DPP6: variants seen among roughly 807,000 people sequenced by gnomAD.
The protein encoded by DPP6 is dipeptidyl peptidase like 6, also known as A-type potassium channel modulatory protein DPP6.
DPP6 carries 69 observed loss-of-function variants against 122.6 expected under a neutral mutation model. The observed-to-expected ratio is 0.56, with a 90% CI of 0.46 to 0.69. The LOEUF (loss-of-function observed/expected upper bound fraction) is 0.69. Among genes scored for constraint, DPP6 ranks in the 30% least tolerant of loss-of-function variants. The pLI is 0.00. For synonymous variants in DPP6, 418 were observed against 433.1 expected (o/e 0.97, Z 0.43); for missense variants, 928 against 1,116.9 (o/e 0.83, Z 2.41).
At chr7:154,801,256 A>G in intron 12 of DPP6, 99 bp from the exon 13 acceptor site, 1 of 1,482,750 alleles carries the variant, frequency 6.7e-7, no homozygotes, top group Non-Finnish European at 9.1e-7. Context: ...CTTAGAAATC[A>G]CATAGAAAAT....
At chr7:153,764,955 A>AGGCTCTGTGACGCCGAAT in the DPP6 span, among the ~76,000 whole-genome samples, 1 of 152,190 alleles carries the variant, frequency 6.6e-6, no homozygotes, top group Admixed American at 6.5e-5. Flanking sequence ...CACCCGTTTC[A>AGGCTCTGTGACGCCGAAT]GGCTCTGTGA....
chr7:154,194,161 C>T (rs746232926), intron 1 of DPP6, among the ~76,000 whole-genome samples: 2 of 152,108 alleles, frequency 1.3e-5, no homozygotes, highest in Non-Finnish European at 2.9e-5. Flanking sequence ...GTCCCATTTC[C>T]AGGTGCCGTC....
At chr7:154,614,998 T>C (rs887435322) in intron 5 of DPP6, among the ~76,000 whole-genome samples, 2 of 152,222 alleles carry the variant, frequency 1.3e-5, no homozygotes, top group South Asian at 2.1e-4. Flanking sequence ...GCAGGCTACG[T>C]TGGGCGCTGT....
At chr7:154,237,081 C>T (rs62484147) in intron 1 of DPP6, among the ~76,000 whole-genome samples, 32,173 of 152,100 alleles carry the variant, frequency 0.21, 6,153 homozygotes, top group African/African-American at 0.51. Flanking sequence ...TAAAATCTTA[C>T]GACTGGGCGT....
chr7:154,665,836 C>T (rs1448493276), intron 6 of DPP6, among the ~76,000 whole-genome samples: 1 of 151,892 alleles, frequency 6.6e-6, no homozygotes, highest in Non-Finnish European at 1.5e-5. Context: ...TTTTAGTGTT[C>T]CCCTTTTCCT....
chr7:154,206,674 A>G (rs1295682806), intron 1 of DPP6, among the ~76,000 whole-genome samples: 2 of 152,238 alleles, frequency 1.3e-5, no homozygotes, highest in African/African-American at 4.8e-5. Context: ...TCAAGATATC[A>G]GAAATCTTTG....
chr7:154,490,536 A>C (rs1203705686), intron 3 of DPP6, among the ~76,000 whole-genome samples: 1 of 152,174 alleles, frequency 6.6e-6, no homozygotes, highest in Non-Finnish European at 1.5e-5. Flanking sequence ...TTTCCACCAG[A>C]TGTTATTTAC....
At chr7:154,518,321 T>C (rs1563793550) in intron 3 of DPP6, among the ~76,000 whole-genome samples, 1 of 152,226 alleles carries the variant, frequency 6.6e-6, no homozygotes, top group South Asian at 2.1e-4. Flanking sequence ...TGATTCAAGC[T>C]TAGATAAACA....
chr7:153,767,180 T>C, the DPP6 span, among the ~76,000 whole-genome samples: 1 of 152,196 alleles, frequency 6.6e-6, no homozygotes, highest in African/African-American at 2.4e-5. Context: ...AGTGATGCTG[T>C]GAGGCAAACG....
chr7:154,544,877 T>G (rs1430197569), intron 4 of DPP6, among the ~76,000 whole-genome samples: 2 of 152,146 alleles, frequency 1.3e-5, no homozygotes, highest in Non-Finnish European at 2.9e-5. Flanking sequence ...AGACAGAGGA[T>G]GATGATGTCC....
the DPP6 span, among the ~76,000 whole-genome samples, chr7:153,801,194 T>A: frequency 6.8e-6 from 1 of 148,110 alleles, no homozygotes; most frequent in East Asian, 2.0e-4. Context: ...TTTTAGACAA[T>A]GTTCTAGTTT....
chr7:154,463,839 T>C (rs1353636839), intron 2 of DPP6, among the ~76,000 whole-genome samples: 3 of 152,122 alleles, frequency 2.0e-5, no homozygotes, highest in East Asian at 3.9e-4. Flanking sequence ...TGCAAGACAA[T>C]TTCCTCTTTT....
the DPP6 span, among the ~76,000 whole-genome samples, chr7:153,761,187 T>C: frequency 6.6e-6 from 1 of 152,230 alleles, no homozygotes. Context: ...TTGTACAAGA[T>C]TTATTTGTTT....
At chr7:154,369,818 G>T (rs983136615) in intron 1 of DPP6, among the ~76,000 whole-genome samples, 1 of 152,100 alleles carries the variant, frequency 6.6e-6, no homozygotes, top group Non-Finnish European at 1.5e-5. Context: ...CCACCTTCTG[G>T]CCTGACTTTT....
chr7:154,464,304 C>T (rs1445768130), intron 2 of DPP6, among the ~76,000 whole-genome samples: 11 of 152,232 alleles, frequency 7.2e-5, no homozygotes, highest in Admixed American at 3.3e-4. Flanking sequence ...AGCAGATTCT[C>T]TGCCACACAA....
At chr7:154,676,638 C>T (rs1838930155) in intron 7 of DPP6, among the ~76,000 whole-genome samples, 1 of 152,246 alleles carries the variant, frequency 6.6e-6, no homozygotes, top group Admixed American at 6.5e-5. Context: ...AGTTGTGGCT[C>T]TCTAAGCCAC....
the DPP6 span, among the ~76,000 whole-genome samples, chr7:153,808,706 T>G: frequency 6.6e-6 from 1 of 152,054 alleles, no homozygotes; most frequent in Non-Finnish European, 1.5e-5. Flanking sequence ...ATAATGTTCG[T>G]ATTCTTGTAA....
chr7:153,806,991 C>T, the DPP6 span, among the ~76,000 whole-genome samples: 1 of 152,004 alleles, frequency 6.6e-6, no homozygotes, highest in African/African-American at 2.4e-5. Context: ...TTATTCCCTT[C>T]TTTTTTACTA....
In DPP6 at chr7:154,031,745, C is replaced by T. The variant is rs539828860; in HGVS notation, c.51+144011C>T. ...TTTAACTCAACAGCCTTTGGAGAAT[C>T]TAGCATTTCTGGAGTCCAGGCTGTC... On this transcript the variant is annotated intron_variant, in intron 1 of 25. Coordinates refer to the DPP6 transcript ENST00000404039. 6.5e-3 allele frequency among the ~76,000 whole-genome samples: 985 copies of T among 152,070 alleles called. 7 individuals carry two copies. Among genetic ancestry groups the T allele is most frequent in the African/African-American group, 0.023 (937 of 41,432 alleles).
Sources: gnomAD v4.1 joint callset for allele counts (sites outside exome capture counted in the v4.1 genomes callset) on GRCh38, gnomAD v4.1.1 for gene constraint, MANE v1.5 for transcripts, NCBI Gene and HGNC (gene_info 2026-07-23, HGNC 2026-07-21) for gene names.